P2RX6: variants seen among roughly 807,000 people sequenced by gnomAD.
The protein encoded by P2RX6 is P2X purinoceptor 6.
In P2RX6, 62 loss-of-function variants were observed where a neutral mutation model predicts 54.2. That is an observed-to-expected ratio of 1.14 (90% CI 0.93 to 1.41). P2RX6 has a LOEUF of 1.41. Among genes scored for constraint, P2RX6 ranks in the 40% most tolerant of loss-of-function variants. The pLI is 0.00. For synonymous variants in P2RX6, 211 were observed against 231.9 expected (o/e 0.91, Z 0.82); for missense variants, 541 against 566.3 (o/e 0.96, Z 0.45).
rs145101901 is a variant in P2RX6, at chr22:21,026,055, C to T, written c.1029C>T (p.Thr343=). Reference sequence around the variant, plus strand: ...TCCCCACGGCCGTCACACTGGGCACCGGGGCAGCTTGGCTGGGCGTGGTGA... The same window carrying T: ...TCCCCACGGCCGTCACACTGGGCACTGGGGCAGCTTGGCTGGGCGTGGTGA... The part of the protein sequence containing the change: ...GLIPTAVTLG[T]GAAWLGVVTF... Residue 343 remains threonine, a synonymous_variant, in exon 10 of 12, where the codon ACC becomes ACT. Coordinates refer to ENST00000413302, the MANE Select transcript of P2RX6 (RefSeq NM_005446.5). This position sits in a 1 kb window ranked among gnomAD's most constrained non-coding sequence, Gnocchi z 4.0. The T allele has an allele frequency of 3.2e-3, 5,150 of 1,611,612 alleles. 9 individuals carry two copies. Among genetic ancestry groups the T allele is most frequent in the Non-Finnish European group, 3.7e-3 (4,376 of 1,179,204 alleles).
intron 8 of P2RX6, among the ~76,000 whole-genome samples, chr22:21,024,886 T>G (rs1294970438): frequency 2.0e-5 from 3 of 148,708 alleles, no homozygotes; most frequent in Non-Finnish European, 4.5e-5. Context: ...GTGTTTTTTT[T>G]TTTTTTTTTT....
chr22:21,026,918 T>C lies in P2RX6; in HGVS notation c.*301T>C. The C allele has an allele frequency of 2.1e-6, 1 of 474,150 alleles. No individual in the cohort carries two copies. Among genetic ancestry groups the C allele is most frequent in the East Asian group, 3.8e-5 (1 of 26,066 alleles). 29.4% of individuals were successfully genotyped at this position (474,150 alleles called of 1,614,324 possible). ...CTCCTGCTGCGTCTGGGCCTGGAGGTCTCTCTCCCAGTGCTCTGTCCCCAG... is the reference window on the plus strand; with the variant it reads ...CTCCTGCTGCGTCTGGGCCTGGAGGCCTCTCTCCCAGTGCTCTGTCCCCAG... On this transcript the variant is annotated 3_prime_UTR_variant, in exon 12 of 12. Coordinates refer to ENST00000413302, the MANE Select transcript of P2RX6 (RefSeq NM_005446.5). This position sits in a 1 kb window ranked among gnomAD's most constrained non-coding sequence, Gnocchi z 4.0.
intron 8 of P2RX6, among the ~76,000 whole-genome samples, chr22:21,025,473 C>T (rs970407249): frequency 1.3e-5 from 2 of 152,182 alleles, no homozygotes; most frequent in Non-Finnish European, 2.9e-5. Flanking sequence ...CTCATGTCCC[C>T]TCCAGGAAGT....
At chr22:21,020,594 C>CTT (rs966307828) in intron 3 of P2RX6, among the ~76,000 whole-genome samples, 6 of 113,008 alleles carry the variant, frequency 5.3e-5, no homozygotes, top group Admixed American at 9.6e-5. Flanking sequence ...TTTTTTTTTT[C>CTT]TTTTTTTTTT....
Position 21,026,447 on chromosome 22 carries a change from T to C in P2RX6, c.1156T>C (p.Ser386Pro). 6.2e-7 allele frequency: 1 copy of C among 1,603,520 alleles called. No homozygotes were observed. Among genetic ancestry groups the C allele is most frequent in the Non-Finnish European group, 8.5e-7 (1 of 1,175,454 alleles). Residue 386 changes from serine to proline, a missense_variant, in exon 12 of 12, where the codon TCT (serine) becomes CCT (proline). Physicochemically the swap from Ser to Pro is moderately conservative, Grantham distance 74. Coordinates refer to ENST00000413302, the MANE Select transcript of P2RX6 (RefSeq NM_005446.5). This position sits in a 1 kb window ranked among gnomAD's most constrained non-coding sequence, Gnocchi z 4.0. ...EAKAPKATAN[S>P]VWRELALASQ... ...CAAGGCCCCGAAAGCAACCGCCAAC[T>C]CTGTGTGGAGGGAGCTGGCCCTTGC...
In P2RX6 at chr22:21,023,107, T is replaced by A; in HGVS notation, c.558-11T>A. The A allele has an allele frequency of 6.2e-7, 1 of 1,613,690 alleles. No homozygotes were observed. The highest frequency in any genetic ancestry group is 8.5e-7 in the Non-Finnish European group (1 of 1,179,668). ...GCCTGGCAGAGGCTGTCACCTCCCTTCCACCTGCAGGAGGCCCCTGCTGGC... is the reference window on the plus strand; with the variant it reads ...GCCTGGCAGAGGCTGTCACCTCCCTACCACCTGCAGGAGGCCCCTGCTGGC... On this transcript the variant is annotated splice_polypyrimidine_tract_variant and intron_variant, in intron 5 of 11. Coordinates refer to ENST00000413302, the MANE Select transcript of P2RX6 (RefSeq NM_005446.5).
At chr22:21,022,602 C>T (rs1927601467) in intron 3 of P2RX6, 74 bp from the exon 4 acceptor site, 2 of 1,200,968 alleles carry the variant, frequency 1.7e-6, no homozygotes, top group African/African-American at 3.1e-5. Flanking sequence ...CTTGAACCTC[C>T]CTGCCTTTGA....
At chr22:21,014,811 TTCC>T (rs1288080925), upstream of P2RX6, among the ~76,000 whole-genome samples, 1 of 152,150 alleles carries the variant, frequency 6.6e-6, no homozygotes, top group Non-Finnish European at 1.5e-5. Context: ...AGGTCACTTC[TTCC>T]GGAAGCTTTC....
At chr22:21,013,483 G>A (rs1314220882), upstream of P2RX6, among the ~76,000 whole-genome samples, 2 of 152,228 alleles carry the variant, frequency 1.3e-5, no homozygotes, top group Non-Finnish European at 2.9e-5. Context: ...AGCGACTCAG[G>A]AGGCTGAGGC....
At chr22:21,015,375 A>G (rs771268294) in intron 1 of P2RX6, 37 bp downstream of exon 1, 2 of 1,527,690 alleles carry the variant, frequency 1.3e-6, no homozygotes, top group Non-Finnish European at 1.7e-6. Context: ...CTGGAGGGGC[A>G]AGGGAAGAGG....
At chr22:21,016,801 C>T (rs1490188662) in intron 2 of P2RX6, among the ~76,000 whole-genome samples, 1 of 152,136 alleles carries the variant, frequency 6.6e-6, no homozygotes, top group East Asian at 1.9e-4. Context: ...CTCCTCCCTC[C>T]ACCCAGCTCA....
At chr22:21,020,040 G>T (rs944641308) in intron 3 of P2RX6, among the ~76,000 whole-genome samples, 2 of 152,168 alleles carry the variant, frequency 1.3e-5, no homozygotes, top group African/African-American at 4.8e-5. Flanking sequence ...TTTGTTTATG[G>T]CCAGATTTTG....
intron 2 of P2RX6, among the ~76,000 whole-genome samples, chr22:21,016,414 C>T (rs1174362822): frequency 2.6e-5 from 4 of 151,942 alleles, no homozygotes; most frequent in Non-Finnish European, 5.9e-5. Context: ...ACGGTGAAAC[C>T]CCATCTCTAT....
At chr22:21,017,481 C>T (rs766811532) in intron 2 of P2RX6, among the ~76,000 whole-genome samples, 2 of 152,200 alleles carry the variant, frequency 1.3e-5, no homozygotes, top group Admixed American at 6.5e-5. Flanking sequence ...AGACTCACCT[C>T]GTCTCCATCC....
rs372099529 is a variant in P2RX6 at position 21,023,514 on chromosome 22, C to T, written c.786C>T (p.Gly262=). Residue 262 remains glycine (G), a synonymous_variant, in exon 8 of 12, where the codon GGC becomes GGT. Transcript: ENST00000413302. ...GTFEDLALLG[G]SVGIRVHWDC... ...AAGCTATGTGCTATGTGCAGGGTGGCTCTGTAGGCATCAGAGTTCACTGGG... is the reference window on the plus strand; with the variant it reads ...AAGCTATGTGCTATGTGCAGGGTGGTTCTGTAGGCATCAGAGTTCACTGGG... The T allele has an allele frequency of 1.1e-5, 17 of 1,613,646 alleles. No homozygotes were observed. In the African/African-American group the frequency reaches 2.0e-4, roughly 19 times the overall value.
At chr22:21,016,588 CA>C (rs3046027) in intron 2 of P2RX6, among the ~76,000 whole-genome samples, 67,470 of 103,248 alleles carry the variant, frequency 0.65, 19,566 homozygotes, top group Middle Eastern at 0.76. Context: ...GACTCTGTCT[CA>C]AAAAAAAAAA....
rs150889989 is a variant in P2RX6, at chr22:21,022,723, C to T, written c.435C>T (p.Pro145=). Residue 145 remains proline (P), a synonymous_variant, in exon 4 of 12, where the codon CCC becomes CCT. Coordinates refer to ENST00000413302, the MANE Select transcript of P2RX6 (RefSeq NM_005446.5). Reference sequence around the variant, plus strand: ...ACTGCTGGGTCGACGAGGACTGCCCCGAAGGGGAGGGAGGCACACACAGCC... The same window carrying T: ...ACTGCTGGGTCGACGAGGACTGCCCTGAAGGGGAGGGAGGCACACACAGCC... ...LANCWVDEDC[P]EGEGGTHSHG... The T allele has an allele frequency of 3.1e-5, 49 of 1,578,996 alleles. No individual in the cohort carries two copies. Among genetic ancestry groups the T allele is most frequent in the Non-Finnish European group, 3.7e-5 (43 of 1,163,664 alleles).
rs2541954 is a variant in P2RX6 at position 21,027,393 on chromosome 22, A to C, written c.*776A>C. On this transcript the variant is annotated 3_prime_UTR_variant, in exon 12 of 12. Coordinates refer to ENST00000413302, the MANE Select transcript of P2RX6 (RefSeq NM_005446.5). The stretch of plus-strand genomic sequence containing the variant: ...AGGACCTTCTATATCCCTCCTCGGT[A>C]ACCCCCCAGCCCAACCCCTTGGAAT... 4 of 151,948 alleles carry C rather than the reference A, an allele frequency of 2.6e-5. No homozygotes were observed. The highest frequency in any genetic ancestry group is 2.6e-4 in the Admixed American group (4 of 15,258). The allele number at this position is 151,948 out of a possible 1,614,324, so 9.4% of individuals were successfully genotyped here.
At chr22:21,020,694 C>T (rs1443289712) in intron 3 of P2RX6, among the ~76,000 whole-genome samples, 1 of 150,470 alleles carries the variant, frequency 6.6e-6, no homozygotes, top group Admixed American at 6.7e-5. Flanking sequence ...TTGGTTCAAG[C>T]GATTCTCCTG....
Sources: allele counts gnomAD v4.1 joint callset (sites outside exome capture counted in the v4.1 genomes callset), GRCh38; gene constraint gnomAD v4.1.1; non-coding constraint Gnocchi (gnomAD v3.1); transcripts MANE v1.5; gene names NCBI Gene and HGNC (gene_info 2026-07-23, HGNC 2026-07-21).